ESCO2: variants seen among roughly 807,000 people sequenced by gnomAD.
The protein encoded by ESCO2 is establishment of sister chromatid cohesion N-acetyltransferase 2, also known as N-acetyltransferase ESCO2.
In ESCO2, 51 loss-of-function variants were observed where a neutral mutation model predicts 61.7. The observed-to-expected ratio is 0.83, with a 90% CI of 0.66 to 1.04. The LOEUF is 1.04. Ranked by LOEUF, ESCO2 falls within the 50% of genes least tolerant of loss-of-function variation. The pLI is 0.00. For missense variants in ESCO2, 692 were observed against 686.2 expected, an observed-to-expected ratio of 1.01 and a Z score of -0.09; for synonymous variants, 230 against 238.2, an observed-to-expected ratio of 0.97 and a Z score of 0.32.
downstream of ESCO2, among the ~76,000 whole-genome samples, chr8:27,815,187 A>G (rs2128961873): frequency 6.7e-6 from 1 of 148,922 alleles, no homozygotes; most frequent in African/African-American, 2.5e-5. Context: ...CATTTAAAGA[A>G]CAAAAGGGAG....
At chr8:27,810,288 T>A, downstream of ESCO2, 1 of 1,570,858 alleles carries the variant, frequency 6.4e-7, no homozygotes, top group Non-Finnish European at 8.8e-7. Flanking sequence ...CAAGCCACAC[T>A]TCAGCTGAGA....
chr8:27,811,283 A>G, downstream of ESCO2: 1 of 665,894 alleles, frequency 1.5e-6, no homozygotes, highest in Non-Finnish European at 2.6e-6. Flanking sequence ...AACCTCAATA[A>G]GGATTACTTT....
At chr8:27,774,541 A>T (rs950016050), upstream of ESCO2, 2 of 152,334 alleles carry the variant, frequency 1.3e-5, no homozygotes, top group Admixed American at 6.5e-5. Flanking sequence ...CTGGCGCGCG[A>T]TTATTTGAAG....
At chr8:27,792,645 G>C (rs771301657) in intron 8 of ESCO2, 23 bp from the exon 9 acceptor site, 18 of 1,609,676 alleles carry the variant, frequency 1.1e-5, no homozygotes, top group Non-Finnish European at 1.5e-5. Context: ...ACATTCACCT[G>C]TCTTGGTTTT....
At chr8:27,781,159 ACT>A (rs1804919215) in intron 4 of ESCO2, among the ~76,000 whole-genome samples, 2 of 152,218 alleles carry the variant, frequency 1.3e-5, no homozygotes, top group Non-Finnish European at 2.9e-5. Flanking sequence ...AAACTTTATT[ACT>A]TAATAACTAC....
intron 9 of ESCO2, among the ~76,000 whole-genome samples, chr8:27,794,559 C>T (rs1366540612): frequency 6.6e-6 from 1 of 152,136 alleles, no homozygotes; most frequent in Non-Finnish European, 1.5e-5. Flanking sequence ...TGTTTATCCA[C>T]TCTGTACTAT....
At chr8:27,815,359 C>G (rs1805789481), downstream of ESCO2, among the ~76,000 whole-genome samples, 1 of 152,128 alleles carries the variant, frequency 6.6e-6, no homozygotes, top group Admixed American at 6.6e-5. Flanking sequence ...TACCCAGTAC[C>G]AGCAGGCAAG....
At chr8:27,794,249 A>T (rs902999875) in intron 9 of ESCO2, among the ~76,000 whole-genome samples, 4 of 152,354 alleles carry the variant, frequency 2.6e-5, no homozygotes, top group African/African-American at 9.6e-5. Context: ...TTGGATATAC[A>T]CTCAGAAGTG....
chr8:27,777,139 A>T lies in ESCO2; in HGVS notation c.831A>T (p.Ala277=). Residue 277 remains alanine (A), a synonymous_variant, in exon 3 of 11, where the codon GCA becomes GCT. Transcript: ENST00000305188. ...AATTGAAAATTGGACTACTGAGTGC[A>T]AGCAGTAAAAATAAAGAGAAATTAA... is the stretch of plus-strand genomic sequence containing the variant. ...EEKLKIGLLS[A]SSKNKEKLIK... The T allele has an allele frequency of 6.3e-7, 1 of 1,599,852 alleles. No homozygotes were observed. Among genetic ancestry groups the T allele is most frequent in the East Asian group, 2.2e-5 (1 of 44,844 alleles).
chr8:27,801,418 A>G (rs940035441), intron 10 of ESCO2, among the ~76,000 whole-genome samples: 2 of 152,198 alleles, frequency 1.3e-5, no homozygotes, highest in East Asian at 1.9e-4. Context: ...TGGGGACCGG[A>G]TCTTGGGCCA....
chr8:27,804,483 C>CT lies in ESCO2; in HGVS notation c.*1046dup. 1.0e-6 allele frequency: 1 copy of CT among 985,320 alleles called. No homozygotes were observed. The allele number at this position is 985,320 out of a possible 1,614,324, so 61.0% of individuals were successfully genotyped here. The stretch of plus-strand genomic sequence containing the variant: ...ACCAAGGTTAGTAAATATACATAGG[C>CT]TGGTGGATGAGAGACCATGGAACTG... On this transcript the variant is annotated 3_prime_UTR_variant, in exon 11 of 11. Coordinates refer to ENST00000305188, the MANE Select transcript of ESCO2 (RefSeq NM_001017420.3).
chr8:27,780,139 C>A lies in ESCO2; in HGVS notation c.862-35C>A. 2.3e-6 allele frequency: 3 copies of A among 1,290,456 alleles called. No individual in the cohort carries two copies. The South Asian group carries it at 3.7e-5, about 16-fold the overall frequency. The allele number at this position is 1,290,456 out of a possible 1,614,324, so 79.9% of individuals were successfully genotyped here. A position where few individuals can be genotyped will look rare whatever the true frequency, so the allele number is the denominator to read the frequency against. On this transcript the variant is annotated intron_variant, in intron 3 of 10. Coordinates refer to ENST00000305188, the MANE Select transcript of ESCO2 (RefSeq NM_001017420.3). ...TTCACTAGAAAATAGTTAAAAATTACAGATGTTTGGTTTTTTTTTTAAACC... is the reference window on the plus strand; with the variant it reads ...TTCACTAGAAAATAGTTAAAAATTAAAGATGTTTGGTTTTTTTTTTAAACC...
intron 9 of ESCO2, among the ~76,000 whole-genome samples, chr8:27,796,807 A>G (rs909589710): frequency 6.6e-6 from 1 of 152,330 alleles, no homozygotes; most frequent in East Asian, 1.9e-4. Context: ...TGTTAGGTCC[A>G]TTAGGTCTGA....
intron 3 of ESCO2, 123 bp downstream of exon 3, chr8:27,777,292 T>A: frequency 1.1e-6 from 1 of 883,864 alleles, no homozygotes; most frequent in Non-Finnish European, 1.7e-6. Context: ...AGTGTTTAGT[T>A]ACTGTAAGGA....
rs148554778 is a variant in ESCO2 at position 27,776,764 on chromosome 8, T to C, written c.456T>C (p.Tyr152=). The C allele has an allele frequency of 1.9e-6, 3 of 1,613,852 alleles. No homozygotes were observed. Among genetic ancestry groups the C allele is most frequent in the African/African-American group, 2.7e-5 (2 of 74,932 alleles). ...KSLTAKYQPK[Y]RHIKPVSRNS... is the part of the protein sequence containing the mutation. ...TAACTGCTAAGTATCAACCAAAGTATAGACACATCAAGCCTGTATCAAGGA... is the reference window on the plus strand; with the variant it reads ...TAACTGCTAAGTATCAACCAAAGTACAGACACATCAAGCCTGTATCAAGGA... The change falls in exon 3 of 11, where the codon TAT becomes TAC. Residue 152 remains tyrosine (Y), a synonymous_variant. Transcript: ENST00000305188.
chr8:27,780,408 C>T (rs1270911649), intron 4 of ESCO2, 141 bp downstream of exon 4: 17 of 641,480 alleles, frequency 2.7e-5, no homozygotes, highest in Non-Finnish European at 4.5e-5. Context: ...ATCTCTGTGA[C>T]ACTGTTTTCT....
At chr8:27,807,744 G>T (rs1421281638), downstream of ESCO2, among the ~76,000 whole-genome samples, 1 of 152,134 alleles carries the variant, frequency 6.6e-6, no homozygotes, top group African/African-American at 2.4e-5. Context: ...GAGGTACTAT[G>T]GTCTGAATGT....
At chr8:27,772,029 T>C (rs1048891648), upstream of ESCO2, 23 of 157,256 alleles carry the variant, frequency 1.5e-4, no homozygotes, top group Admixed American at 1.5e-3. Context: ...TTTTATTGTT[T>C]TCTGTTGCAT....
intron 3 of ESCO2, 165 bp downstream of exon 3, chr8:27,777,334 C>A (rs567185385): frequency 6.2e-6 from 4 of 647,918 alleles, no homozygotes; most frequent in African/African-American, 1.9e-5. Flanking sequence ...AAGACAGGGT[C>A]TTTCTTTATG....
Sources: allele counts gnomAD v4.1 joint callset (sites outside exome capture counted in the v4.1 genomes callset), GRCh38; gene constraint gnomAD v4.1.1; transcripts MANE v1.5; gene names NCBI Gene and HGNC (gene_info 2026-07-23, HGNC 2026-07-21).